The following FBXO31 variants were observed in gnomAD, a reference collection of about 807,000 sequenced individuals.
FBXO31 encodes the protein F-box protein 31, also known as F-box only protein 31.
FBXO31 carries 24 observed loss-of-function variants against 54.4 expected under a neutral mutation model. The observed-to-expected ratio is 0.44, with a 90% CI of 0.32 to 0.62. FBXO31 has a LOEUF of 0.62. FBXO31 is among the 20% of genes least tolerant of loss of function. The pLI, the probability that FBXO31 is intolerant of heterozygous loss-of-function variation, is 0.05. For missense variants in FBXO31, 665 were observed against 787.1 expected, an observed-to-expected ratio of 0.84 and a Z score of 1.86; for synonymous variants, 388 against 335.6, an observed-to-expected ratio of 1.16 and a Z score of -1.71.
chr16:87,382,748 T>G (rs2150700852), intron 1 of FBXO31, among the ~76,000 whole-genome samples: 1 of 152,310 alleles, frequency 6.6e-6, no homozygotes, highest in Middle Eastern at 3.4e-3. Context: ...TTCTTCTGCC[T>G]CACCCTCCCG....
At chr16:87,379,363 A>C (rs980193469) in intron 1 of FBXO31, among the ~76,000 whole-genome samples, 1 of 152,202 alleles carries the variant, frequency 6.6e-6, no homozygotes, top group South Asian at 2.1e-4. Context: ...TATAACCCTG[A>C]GGCAGAGGGC....
rs934059072 is a variant in FBXO31 at position 87,358,543 on chromosome 16, A to C, written c.412+1752T>G. 17 of 152,718 alleles carry C rather than the reference A, an allele frequency of 1.1e-4. No homozygotes were observed. Among genetic ancestry groups the C allele is most frequent in the African/African-American group, 4.1e-4 (17 of 41,460 alleles). The allele number at this position is 152,718 out of a possible 1,614,324, so 9.5% of individuals were successfully genotyped here. A position where few individuals can be genotyped will look rare whatever the true frequency, so the allele number is the denominator to read the frequency against. On this transcript the variant is annotated intron_variant, in intron 2 of 8. Coordinates refer to ENST00000311635, the MANE Select transcript of FBXO31 (RefSeq NM_024735.5). The surrounding 1 kb of genome is among the most constrained non-coding windows in gnomAD (Gnocchi z 4.0). ...AAGGGCTAAGGATGGCTCCCTTTAC[A>C]GGACTGTGCAAACAGCGTGAATACG...
intron 1 of FBXO31, chr16:87,367,895 G>C (rs1330417245): frequency 6.6e-6 from 1 of 152,182 alleles, no homozygotes; most frequent in East Asian, 1.9e-4. Context: ...ATTGCTGAAG[G>C]CTGGTGACTT....
rs149716965 is a variant in FBXO31, at chr16:87,331,489, G to A, written c.1419C>T (p.Ile473=). ...CRMCFYGTGL[I]AGHGFTSPER... is the part of the protein sequence containing the mutation. ...CAGGGCTGGTGAAGCCGTGGCCCGC[G>A]ATGAGGCCTGTGCCATAAAAACTGA... Residue 473 remains isoleucine, a synonymous_variant, in exon 9 of 9, where the codon ATC becomes ATT. Coordinates refer to ENST00000311635, the MANE Select transcript of FBXO31 (RefSeq NM_024735.5). 7 of 1,609,976 alleles carry A rather than the reference G, an allele frequency of 4.3e-6. No homozygotes were observed. Among genetic ancestry groups the A allele is most frequent in the African/African-American group, 1.3e-5 (1 of 74,884 alleles).
chr16:87,353,271 A>G (rs909757742), intron 2 of FBXO31, among the ~76,000 whole-genome samples: 3 of 152,066 alleles, frequency 2.0e-5, no homozygotes, highest in African/African-American at 7.2e-5. Context: ...AGACCCTGTG[A>G]TGACACAAGG....
At chr16:87,374,141 C>G (rs866787766) in intron 1 of FBXO31, among the ~76,000 whole-genome samples, 2 of 151,878 alleles carry the variant, frequency 1.3e-5, no homozygotes, top group Non-Finnish European at 1.5e-5. Flanking sequence ...ACTTGAGAGG[C>G]TAAGGCAGGA....
At chr16:87,386,717 A>T (rs1468905275), upstream of FBXO31, among the ~76,000 whole-genome samples, 1 of 152,244 alleles carries the variant, frequency 6.6e-6, no homozygotes, top group Non-Finnish European at 1.5e-5. Flanking sequence ...TACAGGCACG[A>T]GCCACTGCAC....
upstream of FBXO31, chr16:87,389,883 T>C (rs138479670): frequency 5.3e-5 from 8 of 152,374 alleles, no homozygotes; most frequent in African/African-American, 1.9e-4. Context: ...GTACTCTTCT[T>C]TATTAATTGT....
intron 1 of FBXO31, among the ~76,000 whole-genome samples, chr16:87,374,992 G>A (rs1906759513): frequency 6.6e-6 from 1 of 152,124 alleles, no homozygotes; most frequent in Admixed American, 6.6e-5. Flanking sequence ...AGACTAGCCT[G>A]GCCAACATAG....
At chr16:87,381,515 C>G (rs370340715) in intron 1 of FBXO31, among the ~76,000 whole-genome samples, 2 of 152,196 alleles carry the variant, frequency 1.3e-5, no homozygotes, top group East Asian at 1.9e-4. Context: ...CAGATAAACA[C>G]GAGCCTGGGC....
At chr16:87,375,170 G>C (rs1906769535) in intron 1 of FBXO31, among the ~76,000 whole-genome samples, 1 of 152,216 alleles carries the variant, frequency 6.6e-6, no homozygotes, top group Non-Finnish European at 1.5e-5. Flanking sequence ...GCCGGGCGTG[G>C]TAGCGGGCGC....
intron 3 of FBXO31, among the ~76,000 whole-genome samples, chr16:87,344,925 G>A (rs1186762866): frequency 1.5e-5 from 2 of 132,026 alleles, no homozygotes; most frequent in Non-Finnish European, 3.3e-5. Context: ...AACCCCACCT[G>A]GGGGCAGAGC....
intron 1 of FBXO31, among the ~76,000 whole-genome samples, chr16:87,374,525 G>A (rs559781569): frequency 2.7e-4 from 41 of 152,320 alleles, no homozygotes; most frequent in African/African-American, 8.2e-4. Context: ...CATGCCAGCC[G>A]GACAGTCCTA....
At chr16:87,344,637 T>G (rs1286358459) in intron 3 of FBXO31, among the ~76,000 whole-genome samples, 6 of 151,828 alleles carry the variant, frequency 4.0e-5, no homozygotes, top group Non-Finnish European at 8.8e-5. Context: ...TTTTGTTTTT[T>G]GGGGTTTTTT....
At position 87,346,044 on chromosome 16, in the gene FBXO31, C is replaced by T. The variant is rs965728630; in HGVS notation, c.489+1130G>A. Among the ~76,000 whole-genome samples, 2 of 152,108 alleles carry T rather than the reference C, an allele frequency of 1.3e-5. No homozygotes were observed. Among genetic ancestry groups the T allele is most frequent in the Non-Finnish European group, 2.9e-5 (2 of 68,010 alleles). On this transcript the variant is annotated intron_variant, in intron 3 of 8. Transcript: ENST00000311635. The surrounding 1 kb of genome is among the most constrained non-coding windows in gnomAD (Gnocchi z 4.2). Reference sequence around the variant, plus strand: ...GCTGCTGAGAGGAGAAGGGGCCAAGCGAAGCGTGACTCACAAAGCCAGGAA... The same window carrying T: ...GCTGCTGAGAGGAGAAGGGGCCAAGTGAAGCGTGACTCACAAAGCCAGGAA...
chr16:87,364,212 C>T (rs1031925714), intron 1 of FBXO31, among the ~76,000 whole-genome samples: 68 of 152,340 alleles, frequency 4.5e-4, no homozygotes, highest in African/African-American at 1.6e-3. Flanking sequence ...CTCCACCAGG[C>T]CATGGAGCTC....
intron 1 of FBXO31, among the ~76,000 whole-genome samples, chr16:87,369,279 C>T (rs1906495749): frequency 6.6e-6 from 1 of 152,074 alleles, no homozygotes; most frequent in Admixed American, 6.6e-5. Flanking sequence ...GCCTCCTCCA[C>T]CATCCACGTG....
In FBXO31 at chr16:87,346,739, G is replaced by C. The variant is rs1905404345; in HGVS notation, c.489+435C>G. On this transcript the variant is annotated intron_variant, in intron 3 of 8. Transcript: ENST00000311635. The surrounding 1 kb of genome is among the most constrained non-coding windows in gnomAD (Gnocchi z 4.2). ...GAGAGGCTCCAGTAGGAGGGCACAG[G>C]GGGCGGGAGGCAGGGTGGTCAGAGC... 6.6e-6 allele frequency among the ~76,000 whole-genome samples: 1 copy of C among 152,198 alleles called. No homozygotes were observed. Among genetic ancestry groups the C allele is most frequent in the African/African-American group, 2.4e-5 (1 of 41,466 alleles).
At chr16:87,362,395 T>C (rs548224245) in intron 1 of FBXO31, 181 of 152,228 alleles carry the variant, frequency 1.2e-3, no homozygotes, top group African/African-American at 4.1e-3. Flanking sequence ...CATACATTTA[T>C]TTATTTAGAA....
Sources: allele counts gnomAD v4.1 joint callset (sites outside exome capture counted in the v4.1 genomes callset), GRCh38; gene constraint gnomAD v4.1.1; non-coding constraint Gnocchi (gnomAD v3.1); transcripts MANE v1.5; gene names NCBI Gene and HGNC (gene_info 2026-07-23, HGNC 2026-07-21).